Variants in ZNF385D observed in about 807,000 individuals in gnomAD.
ZNF385D encodes zinc finger protein 385D.
ZNF385D carries 15 observed loss-of-function variants against 35.8 expected under a neutral mutation model. That is an observed-to-expected ratio of 0.42 (90% confidence interval 0.28 to 0.64). ZNF385D has a LOEUF of 0.64. Ranked by LOEUF, ZNF385D falls within the 30% of genes least tolerant of loss-of-function variation. The pLI is 0.23. For missense variants in ZNF385D, 474 were observed against 494.6 expected (o/e 0.96, Z 0.39); for synonymous variants, 212 against 186.8 (o/e 1.13, Z -1.10).
intron 2 of ZNF385D, among the ~76,000 whole-genome samples, chr3:22,291,126 CAAA>C (rs1221819257): frequency 6.6e-6 from 1 of 152,020 alleles, no homozygotes; most frequent in Non-Finnish European, 1.5e-5. Flanking sequence ...GAGGAGGGCA[CAAA>C]AATTCAGTCC....
intron 3 of ZNF385D, among the ~76,000 whole-genome samples, chr3:22,116,243 A>G (rs906463392): frequency 2.6e-5 from 4 of 152,058 alleles, no homozygotes; most frequent in African/African-American, 9.7e-5. Flanking sequence ...TCTATTTTAT[A>G]TAGATTTCCC....
chr3:21,914,069 T>C (rs576074081), intron 3 of ZNF385D, among the ~76,000 whole-genome samples: 1 of 152,178 alleles, frequency 6.6e-6, no homozygotes, highest in East Asian at 1.9e-4. Context: ...CTCTGGGAAA[T>C]TGTGCTTTGT....
chr3:21,926,866 C>A (rs190459893), intron 3 of ZNF385D, among the ~76,000 whole-genome samples: 1 of 152,274 alleles, frequency 6.6e-6, no homozygotes, highest in East Asian at 1.9e-4. Context: ...AAAAGGCAAT[C>A]TACAGAATGG....
At chr3:22,008,553 T>C (rs1433585303) in intron 3 of ZNF385D, among the ~76,000 whole-genome samples, 2 of 152,106 alleles carry the variant, frequency 1.3e-5, no homozygotes, top group African/African-American at 2.4e-5. Flanking sequence ...AGACGGGGTT[T>C]CACCGTGTTA....
At chr3:21,802,300 C>T (rs6550625) in intron 3 of ZNF385D, among the ~76,000 whole-genome samples, 2 of 151,986 alleles carry the variant, frequency 1.3e-5, no homozygotes, top group Non-Finnish European at 2.9e-5. Context: ...TAATCATGAT[C>T]ATGGGGTAAT....
At chr3:22,206,092 T>C (rs1332798635) in intron 2 of ZNF385D, among the ~76,000 whole-genome samples, 2 of 152,024 alleles carry the variant, frequency 1.3e-5, no homozygotes. Flanking sequence ...AAAAAGATAT[T>C]ATCTGCAAAT....
intron 3 of ZNF385D, among the ~76,000 whole-genome samples, chr3:22,038,610 T>C (rs571672785): frequency 1.3e-5 from 2 of 152,158 alleles, no homozygotes; most frequent in Non-Finnish European, 2.9e-5. Context: ...CTCATTTGCT[T>C]TTTTAACAGT....
intron 2 of ZNF385D, among the ~76,000 whole-genome samples, chr3:22,360,165 A>C (rs920727732): frequency 6.6e-6 from 1 of 152,004 alleles, no homozygotes; most frequent in Non-Finnish European, 1.5e-5. Context: ...ATTTTCTGAA[A>C]AATTTTAGGA....
chr3:22,240,611 G>A (rs1007454046), intron 2 of ZNF385D, among the ~76,000 whole-genome samples: 3 of 150,966 alleles, frequency 2.0e-5, no homozygotes, highest in African/African-American at 7.4e-5. Context: ...TAAGAAAGAT[G>A]CCAGGGCCAC....
At chr3:21,792,823 C>A (rs554811251) in intron 3 of ZNF385D, among the ~76,000 whole-genome samples, 2 of 152,116 alleles carry the variant, frequency 1.3e-5, no homozygotes, top group Non-Finnish European at 2.9e-5. Flanking sequence ...CTATTTTGTG[C>A]CAAATGATTG....
chr3:21,984,962 CTGTT>C lies in ZNF385D; in HGVS notation c.325+183851_325+183854del, dbSNP rs1362877658. ...GGGAGTTCACTCATGATTTGGCTCT[CTGTT>C]TGTCTGTTTTTTGTGTATAAGAATG... On this transcript the variant is annotated intron_variant, in intron 3 of 5. Transcript: ENST00000494108. 1.3e-4 allele frequency among the ~76,000 whole-genome samples: 20 copies of C among 151,372 alleles called. 1 individual carries two copies. The highest frequency in any genetic ancestry group is 9.2e-4 in the Admixed American group (14 of 15,178).
intron 2 of ZNF385D, among the ~76,000 whole-genome samples, chr3:21,567,333 C>T (rs1431033153): frequency 6.6e-6 from 1 of 152,134 alleles, no homozygotes; most frequent in Non-Finnish European, 1.5e-5. Flanking sequence ...TTCTTCTCTA[C>T]ATATACTGCC....
chr3:21,895,519 T>G (rs1470639947), intron 3 of ZNF385D, among the ~76,000 whole-genome samples: 40 of 149,208 alleles, frequency 2.7e-4, no homozygotes, highest in Admixed American at 2.0e-4. Context: ...TTTTGTATTT[T>G]AAGTTGAGAT....
At chr3:21,445,958 C>G (rs1292788999) in intron 4 of ZNF385D, among the ~76,000 whole-genome samples, 4 of 152,092 alleles carry the variant, frequency 2.6e-5, no homozygotes, top group Admixed American at 2.0e-4. Flanking sequence ...TATCATGGGG[C>G]CAAGATGTTG....
At chr3:21,998,202 A>G (rs1695607215) in intron 3 of ZNF385D, among the ~76,000 whole-genome samples, 1 of 152,096 alleles carries the variant, frequency 6.6e-6, no homozygotes, top group Non-Finnish European at 1.5e-5. Flanking sequence ...TTAGCATATA[A>G]TTATGGGTAG....
chr3:21,425,223 C>T (rs544742940), intron 6 of ZNF385D, among the ~76,000 whole-genome samples: 6 of 152,268 alleles, frequency 3.9e-5, no homozygotes, highest in South Asian at 2.1e-4. Flanking sequence ...TCTTCGTATA[C>T]AAGAATAGTA....
At chr3:21,516,229 T>C (rs775996802) in intron 3 of ZNF385D, among the ~76,000 whole-genome samples, 1 of 152,242 alleles carries the variant, frequency 6.6e-6, no homozygotes, top group Non-Finnish European at 1.5e-5. Flanking sequence ...TCCAGCCTTA[T>C]GTTAATTAAA....
rs556616014 is a variant in ZNF385D at position 22,202,692 on chromosome 3, C to G, written c.107-33657G>C. ...GTGGAATTGCCAGTACTTCCCCTCT[C>G]TCCTGTCCCCTAGCAGCAGATGCAG... is the stretch of plus-strand genomic sequence containing the variant. On this transcript the variant is annotated intron_variant, in intron 2 of 5. Coordinates refer to the ZNF385D transcript ENST00000494108. Among the ~76,000 whole-genome samples the G allele has an allele frequency of 3.3e-5, 5 of 152,244 alleles. No individual in the cohort carries two copies. In the South Asian group the frequency reaches 1.0e-3, roughly 32 times the overall value.
At chr3:21,955,065 C>T (rs1049769835) in intron 3 of ZNF385D, among the ~76,000 whole-genome samples, 2 of 152,104 alleles carry the variant, frequency 1.3e-5, no homozygotes, top group African/African-American at 4.8e-5. Flanking sequence ...TCGTTACCAA[C>T]AGATGTTTTT....
Sources: gnomAD v4.1 joint callset for allele counts (sites outside exome capture counted in the v4.1 genomes callset) on GRCh38, gnomAD v4.1.1 for gene constraint, MANE v1.5 for transcripts, NCBI Gene and HGNC (gene_info 2026-07-23, HGNC 2026-07-21) for gene names.